Variants in ESRRB observed in about 807,000 individuals in gnomAD.
The protein encoded by ESRRB is steroid hormone receptor ERR2.
Under a neutral mutation model 46.0 loss-of-function variants are expected in ESRRB, and 16 were observed. That is an observed-to-expected ratio of 0.35 (90% CI 0.24 to 0.53). The LOEUF (loss-of-function observed/expected upper bound fraction) is 0.53, where lower values mean the gene tolerates loss of function less well. ESRRB is among the 20% of genes least tolerant of loss of function. ESRRB has a pLI of 0.93. For synonymous variants in ESRRB, 246 were observed against 259.6 expected, an observed-to-expected ratio of 0.95 and a Z score of 0.50; for missense variants, 488 against 607.4, an observed-to-expected ratio of 0.80 and a Z score of 2.07.
intron 1 of ESRRB, among the ~76,000 whole-genome samples, chr14:76,388,378 C>T (rs1280134884): frequency 6.6e-6 from 1 of 152,034 alleles, no homozygotes; most frequent in Non-Finnish European, 1.5e-5. Flanking sequence ...AGGGGCTTCA[C>T]TGTTCATCCT....
chr14:76,483,888 C>T (rs987682511), intron 5 of ESRRB, among the ~76,000 whole-genome samples: 1 of 152,168 alleles, frequency 6.6e-6, no homozygotes, highest in Non-Finnish European at 1.5e-5. Flanking sequence ...GAGTCTTGCT[C>T]TGTTACCCAG....
intron 1 of ESRRB, among the ~76,000 whole-genome samples, chr14:76,315,230 G>A (rs531272844): frequency 2.6e-5 from 4 of 151,610 alleles, no homozygotes; most frequent in Non-Finnish European, 5.9e-5. Flanking sequence ...GGGCTTTCGA[G>A]GTCCTCGCCT....
chr14:76,497,263 C>T (rs1890468207), intron 6 of ESRRB, among the ~76,000 whole-genome samples: 1 of 152,052 alleles, frequency 6.6e-6, no homozygotes, highest in Non-Finnish European at 1.5e-5. Flanking sequence ...GGTGTGGGGC[C>T]AGTGAAGACT....
At chr14:76,388,055 C>T (rs1306786441) in intron 1 of ESRRB, among the ~76,000 whole-genome samples, 1 of 152,116 alleles carries the variant, frequency 6.6e-6, no homozygotes, top group East Asian at 1.9e-4. Flanking sequence ...GTCATTTGCC[C>T]AAGGTCACAC....
chr14:76,372,412 G>A (rs1884646638), upstream of ESRRB, among the ~76,000 whole-genome samples: 1 of 152,092 alleles, frequency 6.6e-6, no homozygotes, highest in Admixed American at 6.5e-5. Context: ...GAAGGGTGAG[G>A]ACACAGAAGC....
At chr14:76,411,535 G>C (rs1421644425) in intron 1 of ESRRB, among the ~76,000 whole-genome samples, 10 of 152,164 alleles carry the variant, frequency 6.6e-5, no homozygotes, top group Admixed American at 6.6e-4. Flanking sequence ...GTGAGGGGTG[G>C]AGTGTGTTGA....
chr14:76,412,032 ATTC>A (rs1452858831), intron 1 of ESRRB, among the ~76,000 whole-genome samples: 1 of 152,166 alleles, frequency 6.6e-6, no homozygotes, highest in African/African-American at 2.4e-5. Flanking sequence ...CAAGATCTTG[ATTC>A]TTCTTTATCC....
intron 1 of ESRRB, among the ~76,000 whole-genome samples, chr14:76,336,651 C>T (rs558480280): frequency 6.6e-6 from 1 of 152,162 alleles, no homozygotes; most frequent in Non-Finnish European, 1.5e-5. Context: ...ATCCCCAGGG[C>T]AAAAGCAGGA....
At chr14:76,433,931 T>C (rs1887557188) in intron 1 of ESRRB, among the ~76,000 whole-genome samples, 1 of 152,052 alleles carries the variant, frequency 6.6e-6, no homozygotes, top group Admixed American at 6.6e-5. Context: ...CTCTGTCTTC[T>C]TGGACTTCTT....
chr14:76,487,506 T>A (rs1048979975), intron 5 of ESRRB, among the ~76,000 whole-genome samples: 4 of 144,250 alleles, frequency 2.8e-5, no homozygotes, highest in African/African-American at 7.7e-5. Flanking sequence ...ATTAGTTACC[T>A]TTTTTTTTTT....
intron 1 of ESRRB, among the ~76,000 whole-genome samples, chr14:76,348,625 C>T (rs1203504126): frequency 6.6e-6 from 1 of 152,224 alleles, no homozygotes; most frequent in Non-Finnish European, 1.5e-5. Context: ...GAATACCTGT[C>T]TCACAGGGAT....
At chr14:76,475,613 G>A (rs1293502275) in intron 3 of ESRRB, among the ~76,000 whole-genome samples, 4 of 152,200 alleles carry the variant, frequency 2.6e-5, no homozygotes, top group South Asian at 2.1e-4. Context: ...TTATGCTGCA[G>A]TGAACATTGT....
intron 1 of ESRRB, among the ~76,000 whole-genome samples, chr14:76,315,734 A>G (rs1883792460): frequency 6.6e-6 from 1 of 152,204 alleles, no homozygotes; most frequent in Non-Finnish European, 1.5e-5. Context: ...AAAGTTGGCC[A>G]TGCAGAGCTC....
intron 2 of ESRRB, among the ~76,000 whole-genome samples, chr14:76,447,907 C>T (rs561273851): frequency 6.6e-6 from 1 of 152,292 alleles, no homozygotes; most frequent in African/African-American, 2.4e-5. Context: ...ACACATCTGA[C>T]CATGTCTCCC....
intron 1 of ESRRB, among the ~76,000 whole-genome samples, chr14:76,389,136 C>T (rs1885365672): frequency 6.6e-6 from 1 of 152,168 alleles, no homozygotes; most frequent in Non-Finnish European, 1.5e-5. Flanking sequence ...TATGTATACA[C>T]CTCAGATCTA....
At chr14:76,317,400 G>T (rs931867935) in intron 1 of ESRRB, among the ~76,000 whole-genome samples, 2 of 151,128 alleles carry the variant, frequency 1.3e-5, no homozygotes, top group Admixed American at 6.6e-5. Flanking sequence ...ATATGAGAAA[G>T]AAATGGATTG....
chr14:76,481,975 T>A (rs375133505), intron 3 of ESRRB, 41 bp from the exon 4 acceptor site: 2 of 1,583,456 alleles, frequency 1.3e-6, no homozygotes, highest in African/African-American at 1.3e-5. Flanking sequence ...CCTGGTGATG[T>A]TGAACAACTG....
intron 1 of ESRRB, among the ~76,000 whole-genome samples, chr14:76,378,993 C>T (rs993005465): frequency 2.8e-4 from 43 of 152,118 alleles, no homozygotes; most frequent in African/African-American, 9.2e-4. Context: ...TGAGAAAACC[C>T]AAGGGCACAG....
At chr14:76,379,212 A>G (rs1031482385) in intron 1 of ESRRB, among the ~76,000 whole-genome samples, 3 of 152,044 alleles carry the variant, frequency 2.0e-5, no homozygotes, top group Non-Finnish European at 2.9e-5. Context: ...TACCCATTCT[A>G]ATCAATATTT....
Sources: gnomAD v4.1 joint callset for allele counts (sites outside exome capture counted in the v4.1 genomes callset) on GRCh38, gnomAD v4.1.1 for gene constraint, MANE v1.5 for transcripts, NCBI Gene and HGNC (gene_info 2026-07-23, HGNC 2026-07-21) for gene names.